CYP2F1: variants seen among roughly 807,000 people sequenced by gnomAD.
CYP2F1 encodes cytochrome P450 family 2 subfamily F member 1.
In CYP2F1, 33 loss-of-function variants were observed where a neutral mutation model predicts 40.4. The observed-to-expected ratio is 0.82, with a 90% CI of 0.62 to 1.09. The LOEUF is 1.09. Ranked by LOEUF, CYP2F1 falls within the 50% of genes least tolerant of loss-of-function variation. CYP2F1 has a pLI of 0.00. For synonymous variants in CYP2F1, 235 were observed against 277.2 expected (o/e 0.85, Z 1.51); for missense variants, 566 against 655.7 (o/e 0.86, Z 1.49).
At chr19:41,125,053 AC>A (rs1207123968) in intron 8 of CYP2F1, 147 bp downstream of exon 8, 6 of 680,858 alleles carry the variant, frequency 8.8e-6, no homozygotes, top group Non-Finnish European at 1.4e-5. Flanking sequence ...GACATCTCAG[AC>A]CCTTAAATCC....
At chr19:41,119,490 T>C (rs2032009293) in intron 3 of CYP2F1, among the ~76,000 whole-genome samples, 1 of 151,782 alleles carries the variant, frequency 6.6e-6, no homozygotes, top group Admixed American at 6.6e-5. Context: ...GGCTCATGCC[T>C]GTAATCCCAG....
intron 7 of CYP2F1, among the ~76,000 whole-genome samples, chr19:41,123,913 A>G (rs1361672759): frequency 6.6e-6 from 1 of 152,002 alleles, no homozygotes; most frequent in African/African-American, 2.4e-5. Flanking sequence ...AGCCCCAGCC[A>G]TGTGCCTGCC....
At chr19:41,120,583 A>C in intron 4 of CYP2F1, 87 bp downstream of exon 4, 14 of 1,415,184 alleles carry the variant, frequency 9.9e-6, no homozygotes, top group Non-Finnish European at 1.2e-5. Flanking sequence ...CTGGGCCCAA[A>C]CCATCCTCCC....
At chr19:41,115,608 GATAGATA>G (rs1336871619) in intron 1 of CYP2F1, among the ~76,000 whole-genome samples, 2 of 152,102 alleles carry the variant, frequency 1.3e-5, no homozygotes, top group African/African-American at 4.8e-5. Flanking sequence ...GATAGATATA[GATAGATA>G]ATAGATGATA....
chr19:41,123,613 T>C (rs1337200910), intron 7 of CYP2F1, among the ~76,000 whole-genome samples: 1 of 152,144 alleles, frequency 6.6e-6, no homozygotes, highest in Non-Finnish European at 1.5e-5. Context: ...CCCCTTGGGC[T>C]CAAGCAATCT....
At chr19:41,125,441 G>T (rs2032494861) in intron 8 of CYP2F1, 52 bp from the exon 9 acceptor site, 1 of 981,222 alleles carries the variant, frequency 1.0e-6, no homozygotes, top group Non-Finnish European at 1.5e-6. Flanking sequence ...AAAGGAGTTT[G>T]GGAGCCTCCC....
chr19:41,121,226 G>T lies in CYP2F1; in HGVS notation c.485-232G>T, dbSNP rs556968279. The stretch of plus-strand genomic sequence containing the variant: ...AGAATAGCCCGTTCTGTGGTTGGGC[G>T]TTGTTGCTGTCGATGTGCTGCAGGA... On this transcript the variant is annotated intron_variant, in intron 4 of 9. Coordinates refer to ENST00000331105, the MANE Select transcript of CYP2F1 (RefSeq NM_000774.5). Among the ~76,000 whole-genome samples the T allele has an allele frequency of 1.2e-4, 18 of 152,152 alleles. No individual in the cohort carries two copies. The South Asian group carries it at 2.5e-3, about 21-fold the overall frequency.
intron 7 of CYP2F1, among the ~76,000 whole-genome samples, chr19:41,123,855 C>T (rs1324485256): frequency 6.6e-6 from 1 of 152,050 alleles, no homozygotes; most frequent in Admixed American, 6.6e-5. Context: ...GTGCCGAGTG[C>T]GTCAACCACC....
intron 3 of CYP2F1, among the ~76,000 whole-genome samples, chr19:41,116,915 C>G (rs1364855372): frequency 6.6e-6 from 1 of 152,048 alleles, no homozygotes; most frequent in Non-Finnish European, 1.5e-5. Flanking sequence ...ATCAACTTTC[C>G]AACTCAGTCA....
At chr19:41,125,913 G>A (rs1327549297) in intron 9 of CYP2F1, 5 of 492,766 alleles carry the variant, frequency 1.0e-5, no homozygotes, top group Non-Finnish European at 1.4e-5. Context: ...TGGGTGGATC[G>A]CCTGAGGTCA....
At chr19:41,115,646 T>C (rs1041529360) in intron 1 of CYP2F1, among the ~76,000 whole-genome samples, 2 of 151,954 alleles carry the variant, frequency 1.3e-5, no homozygotes, top group African/African-American at 2.4e-5. Context: ...AGATCAATGA[T>C]AGATGATAGA....
rs1246991905 is a variant in CYP2F1 at position 41,127,455 on chromosome 19, C to T, written c.1295-446C>T. Among the ~76,000 whole-genome samples the T allele has an allele frequency of 2.6e-5, 4 of 152,152 alleles. No homozygotes were observed. In the East Asian group the frequency reaches 5.8e-4, roughly 22 times the overall value. The stretch of plus-strand genomic sequence containing the variant: ...GGCTCAAGTGATCCCCTCGCCTCAG[C>T]CTCCCAAGCAGCTGGGACTGCAGGC... On this transcript the variant is annotated intron_variant, in intron 9 of 9. Coordinates refer to ENST00000331105, the MANE Select transcript of CYP2F1 (RefSeq NM_000774.5).
intron 1 of CYP2F1, among the ~76,000 whole-genome samples, chr19:41,115,013 G>T (rs181498204): frequency 1.0e-3 from 152 of 151,888 alleles, no homozygotes; most frequent in African/African-American, 3.5e-3. Flanking sequence ...CAAGTGATCC[G>T]CCTGCCTCGG....
Position 41,120,395 on chromosome 19 carries a change from C to T in CYP2F1, c.383C>T (p.Ser128Phe), listed in dbSNP as rs777890391. Reference protein sequence around the residue: ...GDRWKVLRQFSIQILRNFGMG... With the variant: ...GDRWKVLRQFFIQILRNFGMG... ...CGATGGAAGGTCCTGAGACAGTTCT[C>T]TATCCAGATTCTACGGAATTTCGGG... The change falls in exon 4 of 10, where the codon TCT (serine) becomes TTT (phenylalanine). Residue 128 changes from serine to phenylalanine, a missense_variant. Coordinates refer to ENST00000331105, the MANE Select transcript of CYP2F1 (RefSeq NM_000774.5). 3.7e-6 allele frequency: 6 copies of T among 1,614,074 alleles called. No individual in the cohort carries two copies. The Admixed American group carries it at 1.0e-4, about 27-fold the overall frequency.
In CYP2F1 at chr19:41,121,997, G is replaced by A. The variant is rs773746079; in HGVS notation, c.686G>A (p.Gly229Glu). ...IFPSLLDWVPGPHQRIFQNFK... is the reference protein window; with the variant it reads ...IFPSLLDWVPEPHQRIFQNFK... ...CCGAGCCTCCTGGACTGGGTGCCTG[G>A]GCCGCACCAACGCATCTTCCAGAAC... Residue 229 changes from glycine to glutamate, a missense_variant, in exon 6 of 10, where the codon GGG becomes GAG. By Grantham distance (98) the Gly-to-Glu change is moderately conservative. This residue lies in a region of CYP2F1 where 62 missense variants were observed against 105.6 expected (regional missense o/e 0.59). Coordinates refer to ENST00000331105, the MANE Select transcript of CYP2F1 (RefSeq NM_000774.5). 6.2e-7 allele frequency: 1 copy of A among 1,613,206 alleles called. No individual in the cohort carries two copies. The highest frequency in any genetic ancestry group is 2.2e-5 in the East Asian group (1 of 44,880).
chr19:41,116,562 G>A lies in CYP2F1; in HGVS notation c.279G>A (p.Glu93=). ...AVKEALVDQG[E]EFSGRGDYPA... ...AGGAGGCCCTGGTGGACCAGGGAGA[G>A]GAGTTTAGTGGCCGCGGTGACTACC... Residue 93 remains glutamate, a synonymous_variant, in exon 3 of 10, where the codon GAG becomes GAA. Coordinates refer to ENST00000331105, the MANE Select transcript of CYP2F1 (RefSeq NM_000774.5). The A allele has an allele frequency of 1.2e-6, 2 of 1,614,036 alleles. No individual in the cohort carries two copies. The highest frequency in any genetic ancestry group is 1.3e-5 in the African/African-American group (1 of 75,018).
chr19:41,119,723 C>CTCTCTATATATATATATATATA (rs1478574507), intron 3 of CYP2F1, among the ~76,000 whole-genome samples: 1 of 35,802 alleles, frequency 2.8e-5, no homozygotes, highest in Non-Finnish European at 5.2e-5. Context: ...CTCTCTCTCT[C>CTCTCTATATATATATATATATA]TATATATATA....
At chr19:41,127,857 C>T in intron 9 of CYP2F1, 44 bp from the exon 10 acceptor site, 2 of 1,550,734 alleles carry the variant, frequency 1.3e-6, no homozygotes, top group South Asian at 1.2e-5. Flanking sequence ...AGCCTCTAAC[C>T]TCATCTTATC....
intron 3 of CYP2F1, among the ~76,000 whole-genome samples, chr19:41,117,858 A>T (rs111856649): frequency 8.2e-6 from 1 of 122,336 alleles, no homozygotes; most frequent in Non-Finnish European, 1.8e-5. Context: ...TTATTTATTT[A>T]TTTATTTTTG....
Sources: gnomAD v4.1 joint callset for allele counts (sites outside exome capture counted in the v4.1 genomes callset) on GRCh38, gnomAD v4.1.1 for gene constraint, gnomAD v4.1.1 regional missense constraint, MANE v1.5 for transcripts, NCBI Gene and HGNC (gene_info 2026-07-23, HGNC 2026-07-21) for gene names.